AUTS2: variants seen among roughly 807,000 people sequenced by gnomAD.
AUTS2 encodes autism susceptibility gene 2 protein.
Under a neutral mutation model 112.4 loss-of-function variants are expected in AUTS2, and 17 were observed. The ratio of observed to expected loss-of-function variants is 0.15; its 90% CI spans 0.10 to 0.23. The LOEUF is 0.23. AUTS2 is among the 10% of genes least tolerant of loss of function. The pLI is 1.00. For synonymous variants in AUTS2, 751 were observed against 702.7 expected, an observed-to-expected ratio of 1.07 and a Z score of -1.09; for missense variants, 1,510 against 1,701.6, an observed-to-expected ratio of 0.89 and a Z score of 1.98.
intron 5 of AUTS2, among the ~76,000 whole-genome samples, chr7:70,521,379 G>T (rs955943495): frequency 5.3e-5 from 8 of 152,184 alleles, no homozygotes; most frequent in African/African-American, 1.7e-4. Flanking sequence ...CACTATGACA[G>T]TCTCCTCATG....
intron 4 of AUTS2, among the ~76,000 whole-genome samples, chr7:70,350,480 G>A (rs777635506): frequency 6.6e-6 from 1 of 152,160 alleles, no homozygotes; most frequent in Non-Finnish European, 1.5e-5. Flanking sequence ...AGGTGCAAAA[G>A]TACGTCTTAC....
intron 5 of AUTS2, among the ~76,000 whole-genome samples, chr7:70,532,200 C>T (rs982437250): frequency 3.3e-5 from 5 of 152,130 alleles, no homozygotes; most frequent in Admixed American, 2.6e-4. Flanking sequence ...GCTTGTATCG[C>T]GTTGCTGATG....
chr7:69,920,255 G>GCTCTC (rs976202403), intron 2 of AUTS2, among the ~76,000 whole-genome samples: 43 of 151,732 alleles, frequency 2.8e-4, no homozygotes, highest in African/African-American at 8.0e-4. Flanking sequence ...TTTTGGCTTA[G>GCTCTC]CTCTCCTCTC....
intron 5 of AUTS2, among the ~76,000 whole-genome samples, chr7:70,684,273 A>C (rs914880651): frequency 6.6e-6 from 1 of 152,180 alleles, no homozygotes; most frequent in Admixed American, 6.5e-5. Flanking sequence ...AGAAGGATGG[A>C]CTAACATGCG....
At chr7:70,591,430 A>G (rs1802940853) in intron 5 of AUTS2, among the ~76,000 whole-genome samples, 1 of 151,724 alleles carries the variant, frequency 6.6e-6, no homozygotes, top group African/African-American at 2.4e-5. Flanking sequence ...ACAGGGTCTC[A>G]CTCTGTCCCC....
At chr7:70,186,601 A>ACT (rs1353771923) in intron 4 of AUTS2, among the ~76,000 whole-genome samples, 1 of 152,092 alleles carries the variant, frequency 6.6e-6, no homozygotes, top group African/African-American at 2.4e-5. Context: ...ATGGAGTCTC[A>ACT]CTCTGTCACC....
At chr7:70,551,976 T>C (rs1218250539) in intron 5 of AUTS2, among the ~76,000 whole-genome samples, 2 of 152,240 alleles carry the variant, frequency 1.3e-5, no homozygotes, top group Non-Finnish European at 2.9e-5. Context: ...TATTCCTTTA[T>C]GATCATTGAT....
At chr7:70,576,503 G>T (rs1802172533) in intron 5 of AUTS2, among the ~76,000 whole-genome samples, 2 of 152,156 alleles carry the variant, frequency 1.3e-5, no homozygotes, top group Admixed American at 1.3e-4. Flanking sequence ...TGGACTTAGA[G>T]CTTTTAGAGT....
intron 5 of AUTS2, among the ~76,000 whole-genome samples, chr7:70,454,654 C>T (rs1244506830): frequency 6.6e-6 from 1 of 152,186 alleles, no homozygotes; most frequent in Non-Finnish European, 1.5e-5. Context: ...CAGCACTTTG[C>T]GACTGAGCGT....
chr7:70,370,117 G>C (rs1043410205), intron 4 of AUTS2, among the ~76,000 whole-genome samples: 1 of 152,276 alleles, frequency 6.6e-6, no homozygotes, highest in East Asian at 1.9e-4. Context: ...TCCAACACAG[G>C]CATCAAAGGA....
chr7:70,510,553 C>T (rs1799140966), intron 5 of AUTS2, among the ~76,000 whole-genome samples: 2 of 152,302 alleles, frequency 1.3e-5, no homozygotes, highest in Non-Finnish European at 2.9e-5. Context: ...AATAATAAGA[C>T]ATTATTTGCC....
chr7:70,730,312 A>G (rs75171473), intron 6 of AUTS2, among the ~76,000 whole-genome samples: 2,979 of 151,998 alleles, frequency 0.02, 99 homozygotes, highest in African/African-American at 0.068. Flanking sequence ...CATTTCATTG[A>G]CTTTTAGTAT....
intron 4 of AUTS2, among the ~76,000 whole-genome samples, chr7:70,404,301 TC>T (rs1794443994): frequency 6.6e-6 from 1 of 152,218 alleles, no homozygotes; most frequent in Admixed American, 6.5e-5. Context: ...TGCTGGCTTG[TC>T]ATCCAGTTTC....
chr7:69,920,410 C>G (rs759973023), intron 2 of AUTS2, among the ~76,000 whole-genome samples: 1 of 151,912 alleles, frequency 6.6e-6, no homozygotes, highest in South Asian at 2.1e-4. Flanking sequence ...TTTCAGTCCC[C>G]TAAGCAGCTG....
chr7:70,701,608 G>T (rs1809466215), intron 6 of AUTS2, among the ~76,000 whole-genome samples: 1 of 152,136 alleles, frequency 6.6e-6, no homozygotes, highest in Admixed American at 6.5e-5. Flanking sequence ...TTCTTCTCCT[G>T]CCTTTTATTT....
intron 5 of AUTS2, among the ~76,000 whole-genome samples, chr7:70,483,859 A>T (rs892615562): frequency 1.8e-4 from 27 of 152,188 alleles, no homozygotes; most frequent in Non-Finnish European, 3.5e-4. Flanking sequence ...AGCAAGTGAG[A>T]AATCCTGATT....
intron 6 of AUTS2, among the ~76,000 whole-genome samples, chr7:70,745,831 A>T (rs1319800718): frequency 6.6e-6 from 1 of 152,218 alleles, no homozygotes; most frequent in Admixed American, 6.5e-5. Flanking sequence ...TGCTTGCGTT[A>T]TATACTATTA....
chr7:70,762,822 A>G, intron 6 of AUTS2, 48 bp from the exon 7 acceptor site: 2 of 1,363,024 alleles, frequency 1.5e-6, no homozygotes, highest in Non-Finnish European at 2.1e-6. Flanking sequence ...CTTATGCCAC[A>G]CTCGCATGTC....
At chr7:70,182,754 T>C (rs1207810309) in intron 4 of AUTS2, among the ~76,000 whole-genome samples, 1 of 151,908 alleles carries the variant, frequency 6.6e-6, no homozygotes, top group East Asian at 1.9e-4. Context: ...AGAAGAAAAC[T>C]GGCTTTAGTA....
Sources: gnomAD v4.1 joint callset for allele counts (sites outside exome capture counted in the v4.1 genomes callset) on GRCh38, gnomAD v4.1.1 for gene constraint, MANE v1.5 for transcripts, NCBI Gene and HGNC (gene_info 2026-07-23, HGNC 2026-07-21) for gene names.